GRM8: variants seen among roughly 807,000 people sequenced by gnomAD.
The protein encoded by GRM8 is glutamate metabotropic receptor 8.
Under a neutral mutation model 87.2 loss-of-function variants are expected in GRM8, and 47 were observed. The observed-to-expected ratio is 0.54, with a 90% CI of 0.43 to 0.69. The LOEUF is 0.69. Ranked by LOEUF, GRM8 falls within the 30% of genes least tolerant of loss-of-function variation. GRM8 has a pLI of 0.00. For missense variants in GRM8, 1,019 were observed against 1,139.2 expected (o/e 0.89, Z 1.52); for synonymous variants, 396 against 404.5 (o/e 0.98, Z 0.25).
At chr7:127,006,862 CCTGA>C (rs1288891808) in intron 3 of GRM8, among the ~76,000 whole-genome samples, 2 of 151,960 alleles carry the variant, frequency 1.3e-5, no homozygotes, top group Admixed American at 6.6e-5. Flanking sequence ...CCTGAGGAGC[CCTGA>C]CTAATACAAT....
At chr7:126,536,201 T>C in intron 8 of GRM8, among the ~76,000 whole-genome samples, 1 of 152,210 alleles carries the variant, frequency 6.6e-6, no homozygotes, top group Non-Finnish European at 1.5e-5. Context: ...GCCCGAAGTA[T>C]GTAGCTTTAG....
At chr7:126,798,982 A>G (rs1585982424) in intron 6 of GRM8, among the ~76,000 whole-genome samples, 1 of 152,226 alleles carries the variant, frequency 6.6e-6, no homozygotes, top group African/African-American at 2.4e-5. Flanking sequence ...AACACTCCAG[A>G]GCCTGGTTTG....
chr7:126,960,750 T>C (rs1255630351), intron 3 of GRM8, among the ~76,000 whole-genome samples: 3 of 152,242 alleles, frequency 2.0e-5, no homozygotes, highest in Non-Finnish European at 4.4e-5. Flanking sequence ...TTGGACTATG[T>C]CATTTTGAAG....
At chr7:127,054,311 A>AT (rs202105941) in intron 3 of GRM8, among the ~76,000 whole-genome samples, 1,523 of 152,282 alleles carry the variant, frequency 0.01, 10 homozygotes, top group Non-Finnish European at 0.016. Context: ...AGTGGGATCC[A>AT]TCCAGACCTT....
At chr7:126,750,418 T>G (rs1816287117) in intron 7 of GRM8, among the ~76,000 whole-genome samples, 3 of 151,962 alleles carry the variant, frequency 2.0e-5, no homozygotes, top group Non-Finnish European at 4.4e-5. Flanking sequence ...ATATATTTGT[T>G]AAAAAAATGA....
intron 6 of GRM8, among the ~76,000 whole-genome samples, chr7:126,788,202 G>C (rs1170725598): frequency 6.6e-6 from 1 of 151,686 alleles, no homozygotes; most frequent in Non-Finnish European, 1.5e-5. Flanking sequence ...CTGAGGTCAG[G>C]ATTTTGAGAC....
At chr7:127,152,803 A>G (rs549734922) in intron 2 of GRM8, among the ~76,000 whole-genome samples, 3 of 152,168 alleles carry the variant, frequency 2.0e-5, no homozygotes, top group Non-Finnish European at 2.9e-5. Flanking sequence ...CAAAAGGTAA[A>G]ACCATGAATA....
intron 3 of GRM8, among the ~76,000 whole-genome samples, chr7:126,974,175 T>C (rs1268783576): frequency 6.6e-6 from 1 of 152,082 alleles, no homozygotes; most frequent in South Asian, 2.1e-4. Flanking sequence ...TTGGATCCCA[T>C]CCCCCAGATA....
intron 7 of GRM8, among the ~76,000 whole-genome samples, chr7:126,757,759 A>G (rs528543396): frequency 1.3e-5 from 2 of 152,230 alleles, no homozygotes; most frequent in South Asian, 2.1e-4. Context: ...GGCAACGACT[A>G]AGTTTCTGAA....
At chr7:126,987,133 A>G (rs1812149715) in intron 3 of GRM8, among the ~76,000 whole-genome samples, 2 of 152,200 alleles carry the variant, frequency 1.3e-5, no homozygotes, top group South Asian at 2.1e-4. Flanking sequence ...AATCATTTCC[A>G]TATTTGGAAT....
intron 7 of GRM8, among the ~76,000 whole-genome samples, chr7:126,652,084 T>G (rs1803957610): frequency 6.6e-6 from 1 of 152,246 alleles, no homozygotes; most frequent in African/African-American, 2.4e-5. Context: ...TCCTCCTTCT[T>G]TTGGTAAAAC....
chr7:126,951,311 C>T (rs1038853758), intron 3 of GRM8, among the ~76,000 whole-genome samples: 13 of 151,932 alleles, frequency 8.6e-5, no homozygotes, highest in African/African-American at 1.9e-4. Context: ...GGAAAGAAGA[C>T]GGAAATGGTT....
At chr7:127,100,764 G>T (rs934103282) in intron 3 of GRM8, among the ~76,000 whole-genome samples, 2 of 152,126 alleles carry the variant, frequency 1.3e-5, no homozygotes. Context: ...TCTCCACCTT[G>T]CCCTACACTT....
chr7:126,579,692 T>C (rs1032600815), intron 8 of GRM8, among the ~76,000 whole-genome samples: 13 of 152,162 alleles, frequency 8.5e-5, no homozygotes, highest in Admixed American at 2.6e-4. Context: ...ACCAGGAGTG[T>C]CCATAATTTG....
At chr7:126,750,467 G>A (rs1018430579) in intron 7 of GRM8, among the ~76,000 whole-genome samples, 77 of 151,896 alleles carry the variant, frequency 5.1e-4, no homozygotes, top group Non-Finnish European at 2.4e-4. Flanking sequence ...GGGTTTTACC[G>A]TGTCTATATT....
At chr7:126,763,198 A>G (rs1473935413) in intron 7 of GRM8, among the ~76,000 whole-genome samples, 1 of 151,616 alleles carries the variant, frequency 6.6e-6, no homozygotes, top group African/African-American at 2.4e-5. Flanking sequence ...AGAATCAAAC[A>G]TGGCATTTTT....
At chr7:126,478,979 G>A (rs1488649062) in intron 9 of GRM8, among the ~76,000 whole-genome samples, 1 of 151,982 alleles carries the variant, frequency 6.6e-6, no homozygotes, top group Non-Finnish European at 1.5e-5. Flanking sequence ...GGGGTAGGTG[G>A]TAATGGGCTA....
chr7:127,201,335 A>G (rs1466915737), intron 2 of GRM8, among the ~76,000 whole-genome samples: 2 of 152,226 alleles, frequency 1.3e-5, no homozygotes, highest in African/African-American at 4.8e-5. Context: ...ATAGCACTAA[A>G]TAACTTACCC....
chr7:127,105,045 C>G (rs1825682069), intron 3 of GRM8, among the ~76,000 whole-genome samples: 1 of 152,160 alleles, frequency 6.6e-6, no homozygotes, highest in Non-Finnish European at 1.5e-5. Context: ...TATTAGTTTT[C>G]TCCTCTTGCT....
Sources: gnomAD v4.1 joint callset for allele counts (sites outside exome capture counted in the v4.1 genomes callset) on GRCh38, gnomAD v4.1.1 for gene constraint, MANE v1.5 for transcripts, NCBI Gene and HGNC (gene_info 2026-07-23, HGNC 2026-07-21) for gene names.